CTNNAL1: variants seen among roughly 807,000 people sequenced by gnomAD.
CTNNAL1 encodes the protein catenin alpha like 1.
CTNNAL1 carries 69 observed loss-of-function variants against 93.6 expected under a neutral mutation model. That is an observed-to-expected ratio of 0.74 (90% CI 0.61 to 0.90). The LOEUF is 0.90. Among genes scored for constraint, CTNNAL1 ranks in the 40% least tolerant of loss-of-function variants. CTNNAL1 has a pLI of 0.00. For synonymous variants in CTNNAL1, 286 were observed against 305.4 expected, an observed-to-expected ratio of 0.94 and a Z score of 0.66; for missense variants, 836 against 862.0, an observed-to-expected ratio of 0.97 and a Z score of 0.38.
intron 11 of CTNNAL1, among the ~76,000 whole-genome samples, chr9:108,958,020 T>TG (rs1317900901): frequency 1.3e-5 from 2 of 150,408 alleles, no homozygotes; most frequent in Admixed American, 1.3e-4. Context: ...TTCTGTTTTT[T>TG]GTTTTGTTTT....
intron 15 of CTNNAL1, among the ~76,000 whole-genome samples, chr9:108,945,379 A>G (rs955717367): frequency 6.6e-6 from 1 of 150,974 alleles, no homozygotes; most frequent in Admixed American, 6.6e-5. Flanking sequence ...GTTATACTGT[A>G]TTGTTTTCCC....
intron 1 of CTNNAL1, among the ~76,000 whole-genome samples, chr9:109,006,693 C>A (rs1827037502): frequency 6.6e-6 from 1 of 152,174 alleles, no homozygotes; most frequent in South Asian, 2.1e-4. Flanking sequence ...GAAAGAAGAT[C>A]TGGTGTACTA....
chr9:108,978,883 T>C (rs373804408), intron 7 of CTNNAL1, among the ~76,000 whole-genome samples: 1 of 152,198 alleles, frequency 6.6e-6, no homozygotes, highest in East Asian at 1.9e-4. Context: ...TGTGTACATG[T>C]GAATGGCTCC....
rs1830290563 is a variant in CTNNAL1 at position 108,943,040 on chromosome 9, T to G, written c.2060A>C (p.Asp687Ala). The change falls in exon 18 of 19, where the codon GAC becomes GCC. Residue 687 changes from aspartate to alanine, a missense_variant. Physicochemically the swap from Asp to Ala is moderately radical, Grantham distance 126. Transcript: ENST00000325551. The part of the protein sequence containing the change: ...SLQNKVFLKV[D>A]KCITKTRSMM... ...GGATCTTGTCTTCGTAATACACTTG[T>G]CAACCTACAATGACAAAAAGCATGC... 1 of 1,607,892 alleles carries G rather than the reference T, an allele frequency of 6.2e-7. No homozygotes were observed. Among genetic ancestry groups the G allele is most frequent in the African/African-American group, 1.3e-5 (1 of 74,588 alleles).
intron 10 of CTNNAL1, among the ~76,000 whole-genome samples, chr9:108,966,372 T>A (rs1298119070): frequency 6.6e-6 from 1 of 152,258 alleles, no homozygotes; most frequent in Non-Finnish European, 1.5e-5. Context: ...TCCCTCTGGA[T>A]ACATAGGAAG....
intron 10 of CTNNAL1, 36 bp downstream of exon 10, chr9:108,970,366 A>T: frequency 6.3e-7 from 1 of 1,581,640 alleles, no homozygotes; most frequent in Non-Finnish European, 8.6e-7. Flanking sequence ...CTCAGATAGG[A>T]CACAATACAG....
rs753441278 is a variant in CTNNAL1, at chr9:108,999,025, TA to T, written c.331+41del. 148 of 1,537,488 alleles carry T rather than the reference TA, an allele frequency of 9.6e-5. 5 individuals are homozygous for T. The South Asian group carries it at 1.8e-3, about 18-fold the overall frequency. On this transcript the variant is annotated intron_variant, in intron 2 of 18. Transcript: ENST00000325551. ...TAATTTTTCATCATAACCAAAGCAATAAAAGTGGTATGAATAGTCTTCAAAA... is the reference window on the plus strand; with the variant it reads ...TAATTTTTCATCATAACCAAAGCAATAAAGTGGTATGAATAGTCTTCAAAA...
Position 108,992,670 on chromosome 9 carries a change from G to A in CTNNAL1, c.481C>T (p.Arg161Ter), listed in dbSNP as rs201012410. The A allele has an allele frequency of 2.9e-5, 46 of 1,613,386 alleles. No individual in the cohort carries two copies. Among genetic ancestry groups the A allele is most frequent in the East Asian group, 4.5e-5 (2 of 44,834 alleles). Residue 161 changes from arginine to a stop codon, truncating the protein, a stop_gained, in exon 3 of 19, where the codon CGA becomes TGA. Coordinates refer to ENST00000325551, the MANE Select transcript of CTNNAL1 (RefSeq NM_003798.4). LOFTEE classifies it high-confidence loss of function. The part of the protein sequence containing the change: ...SVTKVLLLAD[R>*]VVIKQIITSR... Reference sequence around the variant, plus strand: ...GTTATTATCTGTTTAATGACTACTCGGTCTGCCAGCAACAACACTTTTGTC... The same window carrying A: ...GTTATTATCTGTTTAATGACTACTCAGTCTGCCAGCAACAACACTTTTGTC...
At position 108,965,377 on chromosome 9, in the gene CTNNAL1, C is replaced by A; in HGVS notation, c.1591+1G>T. The stretch of plus-strand genomic sequence containing the variant: ...ATTTCATTATGTGGACAGTTTCTCA[C>A]CTCGTCTTCCTTCAAACACGTCATT... On this transcript the variant is annotated splice_donor_variant, in intron 11 of 18. Transcript: ENST00000325551. LOFTEE classifies it high-confidence loss of function. The A allele has an allele frequency of 6.9e-7, 1 of 1,453,510 alleles. No homozygotes were observed. Among genetic ancestry groups the A allele is most frequent in the Non-Finnish European group, 9.1e-7 (1 of 1,094,114 alleles). 90.0% of individuals were successfully genotyped at this position (1,453,510 alleles called of 1,614,324 possible).
In CTNNAL1 at chr9:108,976,954, ATACT is replaced by A; in HGVS notation, c.1188+4_1188+7del. On this transcript the variant is annotated splice_donor_5th_base_variant and intron_variant, in intron 8 of 18. Transcript: ENST00000325551. ...ATTAGAAGAGGCTAAATTTCAAACT[ATACT>A]TACTTCTTTCTTAAGTTCATTAAGA... 7.8e-7 allele frequency: 1 copy of A among 1,284,716 alleles called. No homozygotes were observed. The highest frequency in any genetic ancestry group is 1.1e-6 in the Non-Finnish European group (1 of 938,058). 79.6% of individuals were successfully genotyped at this position (1,284,716 alleles called of 1,614,324 possible). A position where few individuals can be genotyped will look rare whatever the true frequency, so the allele number is the denominator to read the frequency against.
chr9:109,000,647 G>C (rs1171206911), intron 1 of CTNNAL1, among the ~76,000 whole-genome samples: 1 of 150,824 alleles, frequency 6.6e-6, no homozygotes, highest in African/African-American at 2.4e-5. Flanking sequence ...TAGCAAAGCA[G>C]TCAGACCAGC....
intron 15 of CTNNAL1, 72 bp from the exon 16 acceptor site, chr9:108,944,090 A>G (rs1830328629): frequency 7.3e-7 from 1 of 1,376,406 alleles, no homozygotes; most frequent in Admixed American, 2.2e-5. Context: ...ATACTTACTA[A>G]TAATTTTTAC....
At chr9:109,000,881 G>A (rs1330261438) in intron 1 of CTNNAL1, among the ~76,000 whole-genome samples, 15 of 151,914 alleles carry the variant, frequency 9.9e-5, no homozygotes, top group Admixed American at 6.5e-4. Context: ...AATTTATATT[G>A]GCTGGGTGCG....
chr9:108,942,910 C>T, intron 18 of CTNNAL1, 51 bp downstream of exon 18: 1 of 1,608,442 alleles, frequency 6.2e-7, no homozygotes, highest in Non-Finnish European at 8.5e-7. Flanking sequence ...TAACTATTTT[C>T]TTTTAAACCA....
rs144981084 is a variant in CTNNAL1, at chr9:108,952,251, C to T, written c.1793G>A (p.Arg598Gln). The change falls in exon 14 of 19, where the codon CGG (arginine) becomes CAG (glutamine). Residue 598 changes from arginine (R) to glutamine (Q), a missense_variant. Coordinates refer to ENST00000325551, the MANE Select transcript of CTNNAL1 (RefSeq NM_003798.4). ...DQENEIVQYG[R>Q]NMSSMAYSLY... ...AGAATAGGCCATACTGGACATGTTCCGTCCATATTGAACAATCTCATTCTC... is the reference window on the plus strand; with the variant it reads ...AGAATAGGCCATACTGGACATGTTCTGTCCATATTGAACAATCTCATTCTC... 27 of 1,613,784 alleles carry T rather than the reference C, an allele frequency of 1.7e-5. No individual in the cohort carries two copies. The highest frequency in any genetic ancestry group is 4.5e-5 in the East Asian group (2 of 44,882).
chr9:109,000,465 G>A (rs1374489695), intron 1 of CTNNAL1, among the ~76,000 whole-genome samples: 2 of 152,180 alleles, frequency 1.3e-5, no homozygotes, highest in African/African-American at 4.8e-5. Context: ...TTCTAGTGAA[G>A]GAGTGGGGGA....
At chr9:108,968,144 A>G (rs1169033484) in intron 10 of CTNNAL1, among the ~76,000 whole-genome samples, 1 of 152,206 alleles carries the variant, frequency 6.6e-6, no homozygotes, top group Non-Finnish European at 1.5e-5. Flanking sequence ...TCTCCTCTCA[A>G]CTAGTGTACA....
chr9:108,946,279 C>T (rs1316608396), intron 15 of CTNNAL1, among the ~76,000 whole-genome samples: 1 of 141,708 alleles, frequency 7.1e-6, no homozygotes, highest in Non-Finnish European at 1.5e-5. Context: ...AGCCTGACAA[C>T]AGAGCGAGAC....
chr9:108,977,027 T>G lies in CTNNAL1; in HGVS notation c.1123A>C (p.Ile375Leu). Residue 375 changes from isoleucine (I) to leucine (L), a missense_variant, in exon 8 of 19, where the codon ATC (isoleucine) becomes CTC (leucine). Ile to Leu is a conservative substitution (Grantham distance 5). Coordinates refer to ENST00000325551, the MANE Select transcript of CTNNAL1 (RefSeq NM_003798.4). ...ATACTGAGTTCCAGTTCTTCAGCGATGCTTTTTGTTTTCTTGCTTTGCTAA... is the reference window on the plus strand; with the variant it reads ...ATACTGAGTTCCAGTTCTTCAGCGAGGCTTTTTGTTTTCTTGCTTTGCTAA... ...IQAQSKKTKS[I>L]AEELELSILK... 2 of 1,534,616 alleles carry G rather than the reference T, an allele frequency of 1.3e-6. No individual in the cohort carries two copies. Among genetic ancestry groups the G allele is most frequent in the African/African-American group, 1.4e-5 (1 of 71,192 alleles).
Sources: allele counts gnomAD v4.1 joint callset (sites outside exome capture counted in the v4.1 genomes callset), GRCh38; gene constraint gnomAD v4.1.1; transcripts MANE v1.5; gene names NCBI Gene and HGNC (gene_info 2026-07-23, HGNC 2026-07-21).